The following FIP1L1 variants were observed in gnomAD, a reference collection of about 807,000 sequenced individuals.
FIP1L1 encodes the protein pre-mRNA 3'-end-processing factor FIP1.
FIP1L1 carries 21 observed loss-of-function variants against 84.6 expected under a neutral mutation model. That is an observed-to-expected ratio of 0.25 (90% CI 0.18 to 0.36). The LOEUF is 0.36. FIP1L1 is among the 10% of genes least tolerant of loss of function. The pLI, the probability that FIP1L1 is intolerant of heterozygous loss-of-function variation, is 1.00. For synonymous variants in FIP1L1, 263 were observed against 242.3 expected, an observed-to-expected ratio of 1.09 and a Z score of -0.80; for missense variants, 526 against 751.1, an observed-to-expected ratio of 0.70 and a Z score of 3.50.
At chr4:53,408,969 T>G (rs1755466336) in intron 10 of FIP1L1, among the ~76,000 whole-genome samples, 1 of 152,188 alleles carries the variant, frequency 6.6e-6, no homozygotes, top group South Asian at 2.1e-4. Flanking sequence ...AGTAGTTTGA[T>G]CGTCTGAAGC....
Position 53,459,499 on chromosome 4 carries a change from A to T in FIP1L1, c.*50A>T, listed in dbSNP as rs1194975114. 1 of 1,609,068 alleles carries T rather than the reference A, an allele frequency of 6.2e-7. No individual in the cohort carries two copies. Among genetic ancestry groups the T allele is most frequent in the Admixed American group, 1.7e-5 (1 of 59,622 alleles). On this transcript the variant is annotated 3_prime_UTR_variant, in exon 18 of 18. Transcript: ENST00000337488. ...ATTAGTACCAGAAGTAGATACTATA[A>T]ATCTTGTTATTTTTCTGGATAATGT...
chr4:53,435,273 G>A (rs1178601451), intron 13 of FIP1L1, among the ~76,000 whole-genome samples: 1 of 152,056 alleles, frequency 6.6e-6, no homozygotes, highest in Non-Finnish European at 1.5e-5. Context: ...GCTTTCTTAG[G>A]ATGTTGATTT....
At chr4:53,405,327 G>A (rs1166893053) in intron 10 of FIP1L1, among the ~76,000 whole-genome samples, 2 of 152,032 alleles carry the variant, frequency 1.3e-5, no homozygotes, top group Non-Finnish European at 2.9e-5. Flanking sequence ...GTAGACATGC[G>A]GCATTATTTC....
Position 53,428,091 on chromosome 4 carries a change from C to T in FIP1L1, c.1082C>T (p.Pro361Leu). ...TTTAGCAAACCACCTCCGTTTTTCC[C>T]TCCAGGAGCTCCTCCCACTCACCTT... ...NNFSKPPPFF[P>L]PGAPPTHLPP... Residue 361 changes from proline (P) to leucine (L), a missense_variant, in exon 13 of 18, where the codon CCT (proline) becomes CTT (leucine). Physicochemically the swap from Pro to Leu is moderately conservative, Grantham distance 98. This residue lies in a region of FIP1L1 where 80 missense variants were observed against 151.1 expected (regional missense o/e 0.53). Transcript: ENST00000337488. 1 of 1,610,768 alleles carries T rather than the reference C, an allele frequency of 6.2e-7. No homozygotes were observed. Among genetic ancestry groups the T allele is most frequent in the Non-Finnish European group, 8.5e-7 (1 of 1,177,666 alleles).
chr4:53,378,115 C>A, intron 1 of FIP1L1, 192 bp downstream of exon 1: 1 of 483,406 alleles, frequency 2.1e-6, no homozygotes, highest in Non-Finnish European at 3.6e-6. Flanking sequence ...CTGGCCCACG[C>A]CCACCATGCG....
chr4:53,442,133 G>A (rs1355862736), intron 13 of FIP1L1: 1 of 152,952 alleles, frequency 6.5e-6, no homozygotes, highest in African/African-American at 2.4e-5. Context: ...CAGTTTGTTA[G>A]GGTTGTGCTA....
chr4:53,432,165 G>T (rs2150073748), intron 13 of FIP1L1, among the ~76,000 whole-genome samples: 1 of 152,186 alleles, frequency 6.6e-6, no homozygotes, highest in South Asian at 2.1e-4. Context: ...GGAGGCTGAG[G>T]CAGGAAGATC....
At chr4:53,430,798 C>A (rs910892299) in intron 13 of FIP1L1, among the ~76,000 whole-genome samples, 1 of 152,088 alleles carries the variant, frequency 6.6e-6, no homozygotes, top group Non-Finnish European at 1.5e-5. Context: ...ATTTTAAAAT[C>A]GAGATTTCCT....
chr4:53,387,222 G>T (rs986676836), intron 5 of FIP1L1, among the ~76,000 whole-genome samples: 1 of 152,222 alleles, frequency 6.6e-6, no homozygotes, highest in Non-Finnish European at 1.5e-5. Flanking sequence ...CATGGACTTG[G>T]GAGGCTGAGG....
At chr4:53,440,457 T>C (rs1307717751) in intron 13 of FIP1L1, 3 of 585,440 alleles carry the variant, frequency 5.1e-6, no homozygotes, top group Non-Finnish European at 9.2e-6. Context: ...ATGGTTCTCT[T>C]GAGTGAATAA....
Position 53,449,963 on chromosome 4 carries a change from G to GT in FIP1L1, c.1286-2956dup, listed in dbSNP as rs749241986. Among the ~76,000 whole-genome samples, 100 of 152,144 alleles carry GT rather than the reference G, an allele frequency of 6.6e-4. No homozygotes were observed. In the Middle Eastern group the frequency reaches 0.01, roughly 16 times the overall value. On this transcript the variant is annotated intron_variant, in intron 15 of 17. Coordinates refer to ENST00000337488, the MANE Select transcript of FIP1L1 (RefSeq NM_030917.4). ...CCTTTTTGCTTCTGATGCTGTTTAT[G>GT]TGTTCTCTTTTTTCTTAATCTTGTC...
chr4:53,460,686 G>A lies in FIP1L1; in HGVS notation c.*1237G>A, dbSNP rs1721838295. The A allele has an allele frequency of 5.4e-5, 26 of 481,898 alleles. 2 individuals carry two copies. In the South Asian group the frequency reaches 7.6e-4, roughly 14 times the overall value. 29.9% of individuals were successfully genotyped at this position (481,898 alleles called of 1,614,324 possible). A position where few individuals can be genotyped will look rare whatever the true frequency, so the allele number is the denominator to read the frequency against. The stretch of plus-strand genomic sequence containing the variant: ...GAAAAAATATAAACAATGTTGTAGA[G>A]TAATGAGAAATCCTCCACACTGAAA... On this transcript the variant is annotated 3_prime_UTR_variant, in exon 18 of 18. Coordinates refer to ENST00000337488, the MANE Select transcript of FIP1L1 (RefSeq NM_030917.4).
At chr4:53,396,656 G>A (rs1403500163) in intron 9 of FIP1L1, among the ~76,000 whole-genome samples, 14 of 151,924 alleles carry the variant, frequency 9.2e-5, no homozygotes, top group Admixed American at 7.2e-4. Flanking sequence ...CACCCACCTC[G>A]GCCTCCCAAA....
chr4:53,447,549 C>T (rs75649780), intron 15 of FIP1L1, among the ~76,000 whole-genome samples: 2,674 of 152,190 alleles, frequency 0.018, 79 homozygotes, highest in African/African-American at 0.061. Context: ...AAACAATAAA[C>T]AACATTTACA....
At chr4:53,381,079 C>T (rs1578083612) in intron 3 of FIP1L1, among the ~76,000 whole-genome samples, 1 of 152,072 alleles carries the variant, frequency 6.6e-6, no homozygotes, top group Non-Finnish European at 1.5e-5. Flanking sequence ...ATTTGGGGAG[C>T]CGTTGAGTTG....
At chr4:53,404,773 C>T (rs1202203360) in intron 10 of FIP1L1, among the ~76,000 whole-genome samples, 1 of 152,114 alleles carries the variant, frequency 6.6e-6, no homozygotes, top group Non-Finnish European at 1.5e-5. Context: ...TGATGGTGAG[C>T]ATTTTTTCAT....
At chr4:53,393,764 G>GCCCCCCCCCCCC (rs35029503) in intron 9 of FIP1L1, among the ~76,000 whole-genome samples, 3 of 87,950 alleles carry the variant, frequency 3.4e-5, no homozygotes, top group Admixed American at 1.6e-4. Flanking sequence ...TTTCCCCCCG[G>GCCCCCCCCCCCC]CCCCCCCCCC....
At chr4:53,384,016 C>A (rs1739507230) in intron 5 of FIP1L1, 140 bp downstream of exon 5, 4 of 810,052 alleles carry the variant, frequency 4.9e-6, no homozygotes, top group African/African-American at 1.7e-5. Context: ...AAAGTTTCAT[C>A]ATGAATATAC....
intron 10 of FIP1L1, among the ~76,000 whole-genome samples, chr4:53,401,103 T>A (rs1219026554): frequency 1.3e-5 from 2 of 152,216 alleles, no homozygotes; most frequent in Non-Finnish European, 2.9e-5. Context: ...GTAATAGTAC[T>A]TCCCTCACAG....
Sources: gnomAD v4.1 joint callset for allele counts (sites outside exome capture counted in the v4.1 genomes callset) on GRCh38, gnomAD v4.1.1 for gene constraint, gnomAD v4.1.1 regional missense constraint, MANE v1.5 for transcripts, NCBI Gene and HGNC (gene_info 2026-07-23, HGNC 2026-07-21) for gene names.